The following SVEP1 variants were observed in gnomAD, a reference collection of about 807,000 sequenced individuals.
The protein encoded by SVEP1 is sushi, von Willebrand factor type A, EGF and pentraxin domain-containing protein 1.
In SVEP1, 164 loss-of-function variants were observed where a neutral mutation model predicts 367.3. That is an observed-to-expected ratio of 0.45 (90% CI 0.39 to 0.51). The LOEUF is 0.51. Among genes scored for constraint, SVEP1 ranks in the 20% least tolerant of loss-of-function variants. The pLI is 0.00. For missense variants in SVEP1, 4,117 were observed against 4,425.3 expected (o/e 0.93, Z 1.98); for synonymous variants, 1,666 against 1,611.6 (o/e 1.03, Z -0.81).
intron 6 of SVEP1, among the ~76,000 whole-genome samples, chr9:110,501,615 T>C (rs1425942003): frequency 6.6e-6 from 1 of 152,114 alleles, no homozygotes; most frequent in African/African-American, 2.4e-5. Context: ...TACTAAACAA[T>C]GTGAGCATAT....
intron 8 of SVEP1, among the ~76,000 whole-genome samples, chr9:110,491,775 G>C (rs1045176834): frequency 2.0e-5 from 3 of 151,874 alleles, no homozygotes; most frequent in African/African-American, 7.3e-5. Context: ...ATAGAAATTA[G>C]AGATATAACT....
At chr9:110,490,024 C>T (rs1400324804) in intron 8 of SVEP1, among the ~76,000 whole-genome samples, 3 of 152,094 alleles carry the variant, frequency 2.0e-5, no homozygotes. Flanking sequence ...CTTTTATGCT[C>T]TTATGTAGTC....
chr9:110,427,901 T>G, intron 35 of SVEP1, 143 bp from the exon 36 acceptor site: 1 of 981,214 alleles, frequency 1.0e-6, no homozygotes, highest in Non-Finnish European at 1.5e-6. Context: ...TAGATTGCTT[T>G]ATATGAAAGC....
At chr9:110,394,359 CATCATCAAAGACCAAAGGTAGAT>C (rs1182625050) in intron 40 of SVEP1, among the ~76,000 whole-genome samples, 2 of 152,104 alleles carry the variant, frequency 1.3e-5, no homozygotes, top group Non-Finnish European at 1.5e-5. Context: ...TGTACGTCAC[CATCATCAAAGACCAAAGGTAGAT>C]ATAACCACAA....
At chr9:110,445,760 T>C in intron 26 of SVEP1, 77 bp downstream of exon 26, 1 of 1,524,060 alleles carries the variant, frequency 6.6e-7, no homozygotes, top group East Asian at 2.3e-5. Context: ...ACTTTCCCAT[T>C]TCCCATCCTC....
chr9:110,447,183 C>A (rs1828615562), intron 24 of SVEP1, 126 bp from the exon 25 acceptor site: 3 of 870,994 alleles, frequency 3.4e-6, no homozygotes, highest in Non-Finnish European at 4.7e-6. Context: ...CAAAACAGTG[C>A]TTTAATTGCA....
In SVEP1 at chr9:110,406,597, G is replaced by T. The variant is rs1396030178; in HGVS notation, c.9003C>A (p.Ser3001=). The change falls in exon 38 of 48, where the codon TCC becomes TCA. Residue 3001 remains serine, a synonymous_variant. Transcript: ENST00000374469. ...GTGTGGAACATCTGCAAGGCAGGCA[G>T]GAAGGTGAGCTGCCACTCCAGGAGC... The part of the protein sequence containing the change: ...SNGSWSGSSP[S]CLPCRCSTPV... 18 of 1,613,756 alleles carry T rather than the reference G, an allele frequency of 1.1e-5. No homozygotes were observed. Among genetic ancestry groups the T allele is most frequent in the Non-Finnish European group, 1.4e-5 (17 of 1,179,872 alleles).
intron 46 of SVEP1, among the ~76,000 whole-genome samples, chr9:110,374,422 G>C (rs1827319862): frequency 6.6e-6 from 1 of 152,128 alleles, no homozygotes; most frequent in African/African-American, 2.4e-5. Context: ...GGCCAAGGTG[G>C]GTGGATCACT....
rs536808288 is a variant in SVEP1 at position 110,451,382 on chromosome 9, T to C, written c.3808A>G (p.Ile1270Val). The change falls in exon 23 of 48, where the codon ATA (isoleucine) becomes GTA (valine). Residue 1270 changes from isoleucine to valine, a missense_variant. Physicochemically the swap from Ile to Val is conservative, Grantham distance 29 (BLOSUM62 3). Coordinates refer to ENST00000374469, the MANE Select transcript of SVEP1 (RefSeq NM_153366.4). ...GYTGQRCEEN[I>V]NECSSSPCLN... ...CAAGGACTGGAGCTACACTCATTTATATTTTCTTCACACCGCTGACCTGCA... is the reference window on the plus strand; with the variant it reads ...CAAGGACTGGAGCTACACTCATTTACATTTTCTTCACACCGCTGACCTGCA... 13 of 1,613,602 alleles carry C rather than the reference T, an allele frequency of 8.1e-6. No individual in the cohort carries two copies. The highest frequency in any genetic ancestry group is 1.7e-5 in the Admixed American group (1 of 59,972).
At chr9:110,378,043 A>AT (rs1260352140) in intron 44 of SVEP1, among the ~76,000 whole-genome samples, 1 of 152,040 alleles carries the variant, frequency 6.6e-6, no homozygotes, top group Non-Finnish European at 1.5e-5. Context: ...AAATGGCAGG[A>AT]TTTTCTTCTT....
At chr9:110,526,723 T>C (rs926254861) in intron 3 of SVEP1, among the ~76,000 whole-genome samples, 4 of 152,144 alleles carry the variant, frequency 2.6e-5, no homozygotes, top group African/African-American at 9.6e-5. Flanking sequence ...TTAAAACCTA[T>C]ACACAAATGT....
At chr9:110,424,964 A>G (rs13295715) in intron 36 of SVEP1, among the ~76,000 whole-genome samples, 25,515 of 152,140 alleles carry the variant, frequency 0.17, 2,239 homozygotes, top group Middle Eastern at 0.26. Context: ...GTGAGCCACC[A>G]CGTCCAGCCT....
intron 1 of SVEP1, among the ~76,000 whole-genome samples, chr9:110,572,454 A>G (rs2118885683): frequency 6.6e-6 from 1 of 152,372 alleles, no homozygotes; most frequent in South Asian, 2.1e-4. Flanking sequence ...TTCTTATTAC[A>G]TACCAGTGTC....
chr9:110,413,292 C>CA (rs946610681), intron 36 of SVEP1, among the ~76,000 whole-genome samples: 24 of 148,646 alleles, frequency 1.6e-4, no homozygotes, highest in East Asian at 6.0e-4. Context: ...ATCACAAGAA[C>CA]AAAAAACCAA....
rs1827604387 is a variant in SVEP1, at chr9:110,390,010, T to C, written c.9823-423A>G. On this transcript the variant is annotated intron_variant, in intron 40 of 47. Coordinates refer to ENST00000374469, the MANE Select transcript of SVEP1 (RefSeq NM_153366.4). ...TAAAAACACATGTGATGTATACACA[T>C]AAGTGTGTGTGTGTGTGTATATATA... 3.2e-5 allele frequency among the ~76,000 whole-genome samples: 4 copies of C among 123,116 alleles called. No homozygotes were observed. In the South Asian group the frequency reaches 1.1e-3, roughly 33 times the overall value. The allele number at this position is 123,116 out of a possible 152,430, so 80.8% of individuals were successfully genotyped here. A position where few individuals can be genotyped will look rare whatever the true frequency, so the allele number is the denominator to read the frequency against.
chr9:110,442,909 G>C (rs1828534751), intron 27 of SVEP1: 1 of 152,000 alleles, frequency 6.6e-6, no homozygotes, highest in African/African-American at 2.4e-5. Flanking sequence ...GAATGTATTA[G>C]TCAGTTTCTA....
At chr9:110,544,709 T>G (rs1004474577) in intron 3 of SVEP1, among the ~76,000 whole-genome samples, 1 of 152,212 alleles carries the variant, frequency 6.6e-6, no homozygotes, top group African/African-American at 2.4e-5. Context: ...ATATAATGTG[T>G]AATGATCACA....
At chr9:110,483,841 C>T (rs1306147310) in intron 9 of SVEP1, 148 bp from the exon 10 acceptor site, 1 of 472,074 alleles carries the variant, frequency 2.1e-6, no homozygotes, top group African/African-American at 2.0e-5. Flanking sequence ...CCTGTGATAT[C>T]TTTTCCCTGA....
intron 20 of SVEP1, 24 bp from the exon 21 acceptor site, chr9:110,457,376 A>T (rs761392489): frequency 6.4e-7 from 1 of 1,556,382 alleles, no homozygotes; most frequent in Non-Finnish European, 8.8e-7. Context: ...AAAAAAATCA[A>T]TCAGAGACAA....
Sources: gnomAD v4.1 joint callset for allele counts (sites outside exome capture counted in the v4.1 genomes callset) on GRCh38, gnomAD v4.1.1 for gene constraint, MANE v1.5 for transcripts, NCBI Gene and HGNC (gene_info 2026-07-23, HGNC 2026-07-21) for gene names.